SLC41A3: variants seen among roughly 807,000 people sequenced by gnomAD.
SLC41A3 encodes the protein SLC41A1-like 2.
SLC41A3 carries 44 observed loss-of-function variants against 45.4 expected under a neutral mutation model. The observed-to-expected ratio is 0.97, with a 90% CI of 0.76 to 1.25. SLC41A3 has a LOEUF of 1.25. SLC41A3 is among the 50% of genes most tolerant of loss of function. The probability of loss-of-function intolerance (pLI) is 0.00; values close to 1 mark genes in which losing one functional copy is unlikely to be tolerated. For synonymous variants in SLC41A3, 256 were observed against 252.4 expected (o/e 1.01, Z -0.13); for missense variants, 550 against 600.6 (o/e 0.92, Z 0.88).
At chr3:126,094,951 AAG>A (rs1473203215) in intron 1 of SLC41A3, among the ~76,000 whole-genome samples, 1 of 152,228 alleles carries the variant, frequency 6.6e-6, no homozygotes, top group East Asian at 1.9e-4. Flanking sequence ...AAAAACAAAA[AAG>A]GGGGAGAAAC....
chr3:126,006,797 A>G lies in SLC41A3; in HGVS notation c.*219T>C. On this transcript the variant is annotated 3_prime_UTR_variant, in exon 11 of 11. Coordinates refer to ENST00000360370, the MANE Select transcript of SLC41A3 (RefSeq NM_017836.4). ...TTAAGCATGTGCACACATCATATTCACACACTCAAGCCATGCTCTTGATTT... is the reference window on the plus strand; with the variant it reads ...TTAAGCATGTGCACACATCATATTCGCACACTCAAGCCATGCTCTTGATTT... The G allele has an allele frequency of 6.9e-7, 1 of 1,443,002 alleles. No homozygotes were observed. The highest frequency in any genetic ancestry group is 9.1e-7 in the Non-Finnish European group (1 of 1,104,586). 89.4% of individuals were successfully genotyped at this position (1,443,002 alleles called of 1,614,324 possible).
chr3:126,056,847 G>C (rs1381723600), intron 2 of SLC41A3: 1 of 1,215,536 alleles, frequency 8.2e-7, no homozygotes, highest in African/African-American at 1.5e-5. Flanking sequence ...GTGGCTGTGT[G>C]TCCGCCGGGA....
intron 4 of SLC41A3, among the ~76,000 whole-genome samples, chr3:126,028,270 T>C (rs920946905): frequency 6.6e-6 from 1 of 152,254 alleles, no homozygotes; most frequent in Non-Finnish European, 1.5e-5. Context: ...AATGGTTTCA[T>C]GGGCCAGGTC....
intron 4 of SLC41A3, among the ~76,000 whole-genome samples, chr3:126,029,489 T>C (rs1311393767): frequency 2.0e-5 from 3 of 150,330 alleles, no homozygotes; most frequent in Non-Finnish European, 2.9e-5. Context: ...CCCAGTATCA[T>C]GCTTCCTGTA....
chr3:126,040,015 G>A (rs1046995166), intron 3 of SLC41A3, among the ~76,000 whole-genome samples: 1 of 152,172 alleles, frequency 6.6e-6, no homozygotes, highest in African/African-American at 2.4e-5. Flanking sequence ...GCTCATTAGG[G>A]CCAGGGCAAG....
intron 4 of SLC41A3, among the ~76,000 whole-genome samples, chr3:126,030,135 A>G (rs1941687003): frequency 7.5e-6 from 1 of 133,092 alleles, no homozygotes; most frequent in African/African-American, 2.6e-5. Flanking sequence ...TATAATATGT[A>G]TAATATATAT....
At chr3:126,055,768 C>T (rs1943616609) in intron 2 of SLC41A3, among the ~76,000 whole-genome samples, 1 of 152,136 alleles carries the variant, frequency 6.6e-6, no homozygotes, top group Admixed American at 6.5e-5. Context: ...CTGTGATAAG[C>T]AAATCTCCCT....
In SLC41A3 at chr3:126,022,767, A is replaced by G. The variant is rs1218946878; in HGVS notation, c.745+19T>C. The stretch of plus-strand genomic sequence containing the variant: ...CCCTCCACGGAGCCTTTGTGTCTAT[A>G]GAAGAAGACACTCTTTACCTTTGTG... On this transcript the variant is annotated intron_variant, in intron 6 of 10. Transcript: ENST00000360370. 1 of 1,613,870 alleles carries G rather than the reference A, an allele frequency of 6.2e-7. No individual in the cohort carries two copies. The highest frequency in any genetic ancestry group is 1.3e-5 in the African/African-American group (1 of 74,918).
intron 3 of SLC41A3, among the ~76,000 whole-genome samples, chr3:126,047,558 T>C (rs1436078260): frequency 6.6e-6 from 1 of 152,064 alleles, no homozygotes; most frequent in African/African-American, 2.4e-5. Flanking sequence ...AAGACAGGCA[T>C]GGAGATCAAT....
chr3:126,079,719 A>G (rs1945058568), intron 1 of SLC41A3, among the ~76,000 whole-genome samples: 1 of 152,240 alleles, frequency 6.6e-6, no homozygotes, highest in Admixed American at 6.5e-5. Context: ...TCTTCACAGA[A>G]ATAGAAAAAA....
At chr3:126,030,224 AAT>A (rs1941695441) in intron 4 of SLC41A3, among the ~76,000 whole-genome samples, 1 of 147,436 alleles carries the variant, frequency 6.8e-6, no homozygotes, top group Non-Finnish European at 1.5e-5. Flanking sequence ...ATGTTTAAAC[AAT>A]ATATATTAAG....
chr3:126,053,485 G>A (rs531625383), intron 2 of SLC41A3, among the ~76,000 whole-genome samples: 73 of 152,276 alleles, frequency 4.8e-4, no homozygotes, highest in African/African-American at 1.8e-3. Flanking sequence ...AATACTGGGT[G>A]ACACTGTTAA....
chr3:126,016,296 C>T (rs1483134929), intron 7 of SLC41A3, among the ~76,000 whole-genome samples: 1 of 152,240 alleles, frequency 6.6e-6, no homozygotes, highest in East Asian at 1.9e-4. Flanking sequence ...CCACCAGTAG[C>T]CATGTGTGGC....
chr3:126,062,917 G>A (rs551935647), intron 2 of SLC41A3, among the ~76,000 whole-genome samples: 27 of 152,218 alleles, frequency 1.8e-4, no homozygotes, highest in African/African-American at 5.1e-4. Context: ...CCCCAGAAAC[G>A]CCTTCATGGA....
At chr3:126,015,409 C>G (rs892744611) in intron 8 of SLC41A3, 85 bp downstream of exon 8, 1 of 1,386,120 alleles carries the variant, frequency 7.2e-7, no homozygotes, top group African/African-American at 1.4e-5. Flanking sequence ...TGGTGCTGCC[C>G]CTCTGAGGTC....
At chr3:126,069,417 C>A (rs147933950) in intron 1 of SLC41A3, among the ~76,000 whole-genome samples, 1 of 152,124 alleles carries the variant, frequency 6.6e-6, no homozygotes, top group Non-Finnish European at 1.5e-5. Context: ...GCAGAGACTG[C>A]CGTGGCCACA....
chr3:126,088,972 A>G (rs1490225863), upstream of SLC41A3, among the ~76,000 whole-genome samples: 2 of 152,190 alleles, frequency 1.3e-5, no homozygotes, highest in African/African-American at 4.8e-5. Flanking sequence ...GACCAGATAA[A>G]TGCCACCATA....
At chr3:126,043,639 T>C (rs1942738204) in intron 3 of SLC41A3, among the ~76,000 whole-genome samples, 3 of 152,006 alleles carry the variant, frequency 2.0e-5, no homozygotes. Context: ...GGCAGAGCTA[T>C]AAACAGTAGA....
intron 2 of SLC41A3, among the ~76,000 whole-genome samples, chr3:126,060,273 G>C (rs563135350): frequency 1.3e-5 from 2 of 152,218 alleles, no homozygotes; most frequent in East Asian, 3.9e-4. Flanking sequence ...ACAAAAATTA[G>C]CTGGGCGTGG....
Sources: allele counts gnomAD v4.1 joint callset (sites outside exome capture counted in the v4.1 genomes callset), GRCh38; gene constraint gnomAD v4.1.1; transcripts MANE v1.5; gene names NCBI Gene and HGNC (gene_info 2026-07-23, HGNC 2026-07-21).